Variants in PPP1R1C observed in about 807,000 individuals in gnomAD.
The protein encoded by PPP1R1C is protein phosphatase 1 regulatory inhibitor subunit 1C, also known as protein phosphatase 1 regulatory subunit 1C.
A neutral mutation model predicts 17.4 loss-of-function variants in PPP1R1C; 15 were observed. The ratio of observed to expected loss-of-function variants is 0.86; its 90% CI spans 0.58 to 1.33. The LOEUF is 1.33. Ranked by LOEUF, PPP1R1C falls within the 40% of genes most tolerant of loss-of-function variation. The pLI, the probability that PPP1R1C is intolerant of heterozygous loss-of-function variation, is 0.00. For missense variants in PPP1R1C, 143 were observed against 130.0 expected (o/e 1.10, Z -0.48); for synonymous variants, 35 against 43.1 (o/e 0.81, Z 0.73).
intron 1 of PPP1R1C, among the ~76,000 whole-genome samples, chr2:181,956,022 C>T (rs1192747069): frequency 1.3e-5 from 2 of 152,038 alleles, no homozygotes; most frequent in Non-Finnish European, 2.9e-5. Flanking sequence ...TAATGCTATC[C>T]CTCCCCTATC....
chr2:182,085,724 G>T (rs1237504907), intron 4 of PPP1R1C, among the ~76,000 whole-genome samples: 1 of 152,122 alleles, frequency 6.6e-6, no homozygotes, highest in African/African-American at 2.4e-5. Context: ...TATATTTGTT[G>T]AAGTTCAAAT....
intron 2 of PPP1R1C, among the ~76,000 whole-genome samples, chr2:181,998,844 A>G (rs1685685043): frequency 6.6e-6 from 1 of 152,200 alleles, no homozygotes; most frequent in African/African-American, 2.4e-5. Flanking sequence ...AGCACTTCTC[A>G]CCTGCTTCTA....
Position 181,985,876 on chromosome 2 carries a change from G to A in PPP1R1C, c.-235G>A. On this transcript the variant is annotated 5_prime_UTR_variant, in exon 1 of 5. Transcript: ENST00000682840. This position sits in a 1 kb window ranked among gnomAD's most constrained non-coding sequence, Gnocchi z 4.1. Reference sequence around the variant, plus strand: ...GTATTGTTCCTTTCTGTATTGTGCTGAGAGGATCCAAGGGATTGGTGGGGG... The same window carrying A: ...GTATTGTTCCTTTCTGTATTGTGCTAAGAGGATCCAAGGGATTGGTGGGGG... 1 of 586,982 alleles carries A rather than the reference G, an allele frequency of 1.7e-6. No homozygotes were observed. Among genetic ancestry groups the A allele is most frequent in the Non-Finnish European group, 3.0e-6 (1 of 328,892 alleles). The allele number at this position is 586,982 out of a possible 1,614,324, so 36.4% of individuals were successfully genotyped here.
At chr2:181,985,787 C>T (rs1270903642), upstream of PPP1R1C, 4 of 356,330 alleles carry the variant, frequency 1.1e-5, no homozygotes, top group Non-Finnish European at 1.5e-5. The surrounding 1 kb of genome is among the most constrained non-coding windows in gnomAD (Gnocchi z 4.1). Context: ...GCTAGCATTG[C>T]ATTTTCAATT....
intron 4 of PPP1R1C, among the ~76,000 whole-genome samples, chr2:182,069,742 T>C (rs1025463311): frequency 6.6e-6 from 1 of 152,228 alleles, no homozygotes; most frequent in Admixed American, 6.5e-5. Context: ...ATTAATCTTT[T>C]AAATTTATAT....
chr2:182,082,587 G>T (rs557114858), intron 4 of PPP1R1C, among the ~76,000 whole-genome samples: 1 of 152,066 alleles, frequency 6.6e-6, no homozygotes, highest in Non-Finnish European at 1.5e-5. Context: ...CCCTGCCTTC[G>T]CTGGCTCTGC....
chr2:182,103,571 A>C (rs1192025287), intron 4 of PPP1R1C: 1 of 152,230 alleles, frequency 6.6e-6, no homozygotes, highest in Non-Finnish European at 1.5e-5. Context: ...CCTGGCGAAC[A>C]ACAAATTGCT....
intron 4 of PPP1R1C, among the ~76,000 whole-genome samples, chr2:182,102,865 T>C (rs1035167600): frequency 6.6e-6 from 1 of 152,136 alleles, no homozygotes; most frequent in Non-Finnish European, 1.5e-5. Flanking sequence ...CAGGCTGGAG[T>C]GCAGTGGTGC....
chr2:182,044,979 A>T (rs1052688811), intron 2 of PPP1R1C, among the ~76,000 whole-genome samples: 11 of 152,198 alleles, frequency 7.2e-5, no homozygotes, highest in Non-Finnish European at 1.6e-4. Flanking sequence ...CTGTCTCTCT[A>T]TCTATAGATA....
At chr2:182,034,859 T>C (rs1050416859) in intron 2 of PPP1R1C, among the ~76,000 whole-genome samples, 8 of 152,210 alleles carry the variant, frequency 5.3e-5, no homozygotes, top group African/African-American at 1.9e-4. Context: ...AATGTTCACA[T>C]CATTTATCAT....
chr2:182,119,455 C>G (rs376295682), downstream of PPP1R1C, among the ~76,000 whole-genome samples: 15 of 152,186 alleles, frequency 9.9e-5, 1 homozygote, highest in South Asian at 4.2e-4. Flanking sequence ...GGTATTTCTA[C>G]TTCTAGATCC....
intron 2 of PPP1R1C, among the ~76,000 whole-genome samples, chr2:182,032,191 C>T (rs1012652736): frequency 6.6e-6 from 1 of 152,194 alleles, no homozygotes; most frequent in Non-Finnish European, 1.5e-5. Flanking sequence ...CCATCCCTTT[C>T]AACTGAGCTA....
Position 182,117,253 on chromosome 2 carries a change from A to T in PPP1R1C, c.288A>T (p.Glu96Asp). ...KGQNESAFPE[E>D]EEGTNEREEQ... ...AGAATGAATCAGCATTCCCTGAAGAAGAAGAAGGCACCAATGAAAGAGAGG... is the reference window on the plus strand; with the variant it reads ...AGAATGAATCAGCATTCCCTGAAGATGAAGAAGGCACCAATGAAAGAGAGG... Residue 96 changes from glutamate (E) to aspartate (D), a missense_variant, in exon 5 of 5, where the codon GAA becomes GAT. Glu to Asp is a conservative substitution (Grantham distance 45). Coordinates refer to ENST00000682840, the MANE Select transcript of PPP1R1C (RefSeq NM_001080545.3). The T allele has an allele frequency of 6.4e-7, 1 of 1,564,590 alleles. No homozygotes were observed. The highest frequency in any genetic ancestry group is 8.7e-7 in the Non-Finnish European group (1 of 1,154,254).
intron 5 of PPP1R1C, among the ~76,000 whole-genome samples, chr2:182,124,314 G>GTTTTTTTTTTTGTTTTTT (rs1689812959): frequency 4.8e-5 from 2 of 42,098 alleles, no homozygotes; most frequent in African/African-American, 1.4e-4. Flanking sequence ...GTTTTTTTTT[G>GTTTTTTTTTTTGTTTTTT]TTTTTTTTTT....
intron 2 of PPP1R1C, among the ~76,000 whole-genome samples, chr2:181,991,708 T>C (rs1197425662): frequency 1.3e-5 from 2 of 152,186 alleles, no homozygotes; most frequent in East Asian, 1.9e-4. Flanking sequence ...GTGACCTTTG[T>C]AGCAAACTGC....
intron 1 of PPP1R1C, among the ~76,000 whole-genome samples, chr2:181,959,772 A>G (rs1208001360): frequency 2.0e-5 from 3 of 152,192 alleles, no homozygotes; most frequent in Non-Finnish European, 4.4e-5. Flanking sequence ...CTGTAATTGG[A>G]GAAAGCTTTG....
chr2:181,964,921 G>T (rs1275611995), intron 1 of PPP1R1C, among the ~76,000 whole-genome samples: 1 of 152,142 alleles, frequency 6.6e-6, no homozygotes, highest in Non-Finnish European at 1.5e-5. Context: ...GGTCAGGCTG[G>T]TCTCAAACTC....
At chr2:182,125,077 T>C (rs1559103381) in intron 5 of PPP1R1C, among the ~76,000 whole-genome samples, 1 of 152,228 alleles carries the variant, frequency 6.6e-6, no homozygotes, top group Non-Finnish European at 1.5e-5. Context: ...GTTCCATCAA[T>C]ACATAGTTTG....
At chr2:182,072,663 C>A (rs1192268401) in intron 4 of PPP1R1C, among the ~76,000 whole-genome samples, 1 of 152,076 alleles carries the variant, frequency 6.6e-6, no homozygotes, top group Admixed American at 6.5e-5. Flanking sequence ...ATCCTGTTTG[C>A]CCTAACTAAA....
Sources: allele counts gnomAD v4.1 joint callset (sites outside exome capture counted in the v4.1 genomes callset), GRCh38; gene constraint gnomAD v4.1.1; non-coding constraint Gnocchi (gnomAD v3.1); transcripts MANE v1.5; gene names NCBI Gene and HGNC (gene_info 2026-07-23, HGNC 2026-07-21).